The following POP1 variants were observed in gnomAD, a reference collection of about 807,000 sequenced individuals.
The protein encoded by POP1 is ribonucleases P/MRP protein subunit POP1.
A neutral mutation model predicts 102.2 loss-of-function variants in POP1; 75 were observed. That is an observed-to-expected ratio of 0.73 (90% confidence interval 0.61 to 0.89). POP1 has a LOEUF of 0.89. Ranked by LOEUF, POP1 falls within the 40% of genes least tolerant of loss-of-function variation. The pLI is 0.00. For synonymous variants in POP1, 436 were observed against 464.1 expected, an observed-to-expected ratio of 0.94 and a Z score of 0.78; for missense variants, 1,116 against 1,267.4, an observed-to-expected ratio of 0.88 and a Z score of 1.81.
At chr8:98,132,931 A>G (rs11987920) in intron 5 of POP1, among the ~76,000 whole-genome samples, 1,357 of 90,586 alleles carry the variant, frequency 0.015, 33 homozygotes, top group Middle Eastern at 0.042. Context: ...AAAAAAAAAA[A>G]TCTGGGTGTG....
intron 5 of POP1, 43 bp from the exon 6 acceptor site, chr8:98,133,906 T>C: frequency 6.8e-7 from 1 of 1,466,646 alleles, no homozygotes; most frequent in Admixed American, 1.7e-5. Flanking sequence ...GTTTTGCCTG[T>C]GTAAATTCCT....
intron 7 of POP1, 21 bp downstream of exon 7, chr8:98,134,680 T>G (rs1457968959): frequency 6.3e-7 from 1 of 1,584,520 alleles, no homozygotes; most frequent in Non-Finnish European, 8.7e-7. Context: ...TCAGGTTATC[T>G]CCCGTCATTC....
At chr8:98,133,105 T>G (rs1300720809) in intron 5 of POP1, among the ~76,000 whole-genome samples, 1 of 142,130 alleles carries the variant, frequency 7.0e-6, no homozygotes, top group Admixed American at 7.0e-5. Flanking sequence ...TAGTCCCAGC[T>G]ACCTGGGAGG....
At chr8:98,153,381 G>C (rs781736985) in intron 14 of POP1, among the ~76,000 whole-genome samples, 31 of 152,118 alleles carry the variant, frequency 2.0e-4, no homozygotes, top group East Asian at 1.5e-3. Context: ...AGGAAGAAGG[G>C]GGGGATTCAG....
rs1563779289 is a variant in POP1 at position 98,140,871 on chromosome 8, A to G, written c.1577A>G (p.Asn526Ser). 6.2e-7 allele frequency: 1 copy of G among 1,614,036 alleles called. No homozygotes were observed. The change falls in exon 11 of 16, where the codon AAT (asparagine) becomes AGT (serine). Residue 526 changes from asparagine (N) to serine (S), a missense_variant. Asn to Ser is a conservative substitution (Grantham distance 46, BLOSUM62 1). Transcript: ENST00000401707. ...LPQKKSKALP[N>S]PEKCQDNEKV... Reference sequence around the variant, plus strand: ...CAAAAGAAGTCCAAAGCTTTGCCCAATCCAGAAAAATGCCAAGGTAAAGTT... The same window carrying G: ...CAAAAGAAGTCCAAAGCTTTGCCCAGTCCAGAAAAATGCCAAGGTAAAGTT...
At chr8:98,118,628 AT>A (rs1213696910) in intron 1 of POP1, among the ~76,000 whole-genome samples, 1 of 151,926 alleles carries the variant, frequency 6.6e-6, no homozygotes, top group South Asian at 2.1e-4. Context: ...GCTTCTTCAT[AT>A]TGGCCAGGCT....
At chr8:98,127,258 A>T (rs1816231563) in intron 2 of POP1, among the ~76,000 whole-genome samples, 1 of 152,160 alleles carries the variant, frequency 6.6e-6, no homozygotes, top group Non-Finnish European at 1.5e-5. Context: ...ATTTTGGGGG[A>T]CATAAGCATT....
chr8:98,132,691 G>C (rs1332997850), intron 5 of POP1, among the ~76,000 whole-genome samples: 1 of 151,954 alleles, frequency 6.6e-6, no homozygotes, highest in Non-Finnish European at 1.5e-5. Flanking sequence ...ACCATACTAG[G>C]TACATCTGGT....
intron 9 of POP1, among the ~76,000 whole-genome samples, chr8:98,139,771 T>C (rs1177336079): frequency 4.6e-5 from 7 of 152,174 alleles, no homozygotes; most frequent in African/African-American, 1.4e-4. Context: ...TTGTTGGTAC[T>C]GCGCTCTGGA....
intron 11 of POP1, among the ~76,000 whole-genome samples, chr8:98,144,471 C>T (rs2130617317): frequency 6.6e-6 from 1 of 152,100 alleles, no homozygotes; most frequent in African/African-American, 2.4e-5. Flanking sequence ...GACAGGGTCT[C>T]ACTAAATTGC....
intron 13 of POP1, among the ~76,000 whole-genome samples, chr8:98,149,847 T>G (rs1809474321): frequency 6.6e-6 from 1 of 152,166 alleles, no homozygotes; most frequent in African/African-American, 2.4e-5. Context: ...TGTGAGACTT[T>G]TAGATTCATG....
intron 13 of POP1, among the ~76,000 whole-genome samples, chr8:98,149,567 G>T (rs62522200): frequency 0.13 from 19,285 of 151,918 alleles, 1,322 homozygotes; most frequent in Middle Eastern, 0.26. Context: ...GGCCAGCCTG[G>T]CCAACATGGT....
chr8:98,151,667 A>G (rs1039914556), intron 14 of POP1, among the ~76,000 whole-genome samples: 2 of 151,398 alleles, frequency 1.3e-5, no homozygotes, highest in Non-Finnish European at 2.9e-5. Context: ...GGTGAGCTTC[A>G]TGAGGGCAGA....
rs17184298 is a variant in POP1 at position 98,140,645 on chromosome 8, A to G, written c.1475-124A>G. On this transcript the variant is annotated intron_variant, in intron 10 of 15. Coordinates refer to ENST00000401707, the MANE Select transcript of POP1 (RefSeq NM_001145860.2). ...GTATCAATGGGAAGAGAGGGAATAC[A>G]TGTTTTTAAGTAATTAGTCCAAGAA... is the stretch of plus-strand genomic sequence containing the variant. 0.09 allele frequency: 84,352 copies of G among 941,490 alleles called. 4,354 individuals carry two copies. Among genetic ancestry groups the G allele is most frequent in the Non-Finnish European group, 0.11 (63,956 of 598,162 alleles). 58.3% of individuals were successfully genotyped at this position (941,490 alleles called of 1,614,324 possible).
chr8:98,119,819 C>T (rs1815960008), intron 1 of POP1, among the ~76,000 whole-genome samples: 1 of 152,182 alleles, frequency 6.6e-6, no homozygotes. Flanking sequence ...AGCAATCCTC[C>T]CGCCTTGGCC....
At chr8:98,150,455 C>G in intron 13 of POP1, 30 bp from the exon 14 acceptor site, 1 of 1,612,888 alleles carries the variant, frequency 6.2e-7, no homozygotes, top group Non-Finnish European at 8.5e-7. Flanking sequence ...AGTTGGTAGA[C>G]TGACAGTATC....
chr8:98,134,027 A>G lies in POP1; in HGVS notation c.814A>G (p.Ile272Val), dbSNP rs200526848. 6 of 1,607,522 alleles carry G rather than the reference A, an allele frequency of 3.7e-6. No homozygotes were observed. The highest frequency in any genetic ancestry group is 1.7e-5 in the Admixed American group (1 of 59,998). The change falls in exon 6 of 16, where the codon ATA (isoleucine) becomes GTA (valine). Residue 272 changes from isoleucine (I) to valine (V), a missense_variant. Physicochemically the swap from Ile to Val is conservative, Grantham distance 29. Coordinates refer to ENST00000401707, the MANE Select transcript of POP1 (RefSeq NM_001145860.2). ...ILKALSGMCN[I>V]DTGLTFAAVH... ...AAAGGCGCTTTCTGGAATGTGTAAC[A>G]TAGACACAGGTAAACTTGTTTTAAA...
chr8:98,136,414 C>A (rs1816540665), intron 7 of POP1, 68 bp from the exon 8 acceptor site: 10 of 1,486,876 alleles, frequency 6.7e-6, no homozygotes, highest in Middle Eastern at 2.4e-4. Flanking sequence ...AAAAAAAAAC[C>A]CAACTAAATT....
intron 14 of POP1, 119 bp from the exon 15 acceptor site, chr8:98,155,909 TTGTGTGTGTGTGTGTGTGTGTG>T (rs58936294): frequency 1.2e-4 from 62 of 519,596 alleles, no homozygotes; most frequent in Admixed American, 2.1e-4. Context: ...TGGAAAGCTT[TTGTGTGTGTGTGTGTGTGTGTG>T]TGTGTGTGTG....
Sources: gnomAD v4.1 joint callset for allele counts (sites outside exome capture counted in the v4.1 genomes callset) on GRCh38, gnomAD v4.1.1 for gene constraint, MANE v1.5 for transcripts, NCBI Gene and HGNC (gene_info 2026-07-23, HGNC 2026-07-21) for gene names.